MYT1L: variants seen among roughly 807,000 people sequenced by gnomAD.
The protein encoded by MYT1L is myelin transcription factor 1-like protein.
In MYT1L, 12 loss-of-function variants were observed where a neutral mutation model predicts 126.7. That is an observed-to-expected ratio of 0.09 (90% CI 0.06 to 0.15). The LOEUF is 0.15. Ranked by LOEUF, MYT1L falls within the 10% of genes least tolerant of loss-of-function variation. The pLI is 1.00. For missense variants in MYT1L, 979 were observed against 1,585.2 expected, an observed-to-expected ratio of 0.62 and a Z score of 6.49; for synonymous variants, 541 against 604.2, an observed-to-expected ratio of 0.90 and a Z score of 1.53.
rs1261758055 is a variant in MYT1L at position 2,172,997 on chromosome 2, T to C, written c.-420-9A>G. ...TCCTCTGAGTTCATTTTCTAAAGGA[T>C]AGAGCGACAACACAAAATACCTTAA... is the stretch of plus-strand genomic sequence containing the variant. On this transcript the variant is annotated splice_polypyrimidine_tract_variant and intron_variant, in intron 2 of 24. Transcript: ENST00000647738. 1.3e-5 allele frequency: 2 copies of C among 152,232 alleles called. No individual in the cohort carries two copies. Among genetic ancestry groups the C allele is most frequent in the Non-Finnish European group, 2.9e-5 (2 of 68,054 alleles). 9.4% of individuals were successfully genotyped at this position (152,232 alleles called of 1,614,324 possible).
chr2:1,851,829 T>G (rs960611879), intron 18 of MYT1L, 126 bp from the exon 19 acceptor site: 1 of 893,474 alleles, frequency 1.1e-6, no homozygotes, highest in African/African-American at 1.7e-5. Context: ...AGAGGCTGAG[T>G]GGAGCCGGAA....
At chr2:1,851,765 CT>C (rs994577742) in intron 18 of MYT1L, 62 bp from the exon 19 acceptor site, 87 of 1,507,458 alleles carry the variant, frequency 5.8e-5, no homozygotes, top group Non-Finnish European at 7.2e-5. Context: ...GAACAATTAA[CT>C]TTTTTTTAAT....
chr2:1,918,067 G>GT (rs2053099782), intron 10 of MYT1L, among the ~76,000 whole-genome samples: 1 of 152,052 alleles, frequency 6.6e-6, no homozygotes, highest in Non-Finnish European at 1.5e-5. Context: ...GTAGAATGCC[G>GT]TGCATGCATA....
At chr2:1,815,947 G>T (rs868065873) in intron 21 of MYT1L, among the ~76,000 whole-genome samples, 1 of 152,016 alleles carries the variant, frequency 6.6e-6, no homozygotes, top group Non-Finnish European at 1.5e-5. Context: ...GCATCAGCAC[G>T]CTTCATCACC....
At position 2,128,195 on chromosome 2, in the gene MYT1L, C is replaced by T. The variant is rs138461546; in HGVS notation, c.-304+44677G>A. 9.9e-5 allele frequency among the ~76,000 whole-genome samples: 15 copies of T among 152,274 alleles called. No homozygotes were observed. The South Asian group carries it at 2.7e-3, about 27-fold the overall frequency. On this transcript the variant is annotated intron_variant, in intron 3 of 24. Transcript: ENST00000647738. The stretch of plus-strand genomic sequence containing the variant: ...TCAGAGTCTCTCTTTGTTGCCCAGG[C>T]TGGAGTGCAGTAGTGTATTTGGCTC...
At chr2:2,219,124 AGAAG>A (rs1160511667) in intron 2 of MYT1L, among the ~76,000 whole-genome samples, 2 of 152,208 alleles carry the variant, frequency 1.3e-5, no homozygotes, top group African/African-American at 4.8e-5. Context: ...AGTGGCTGGT[AGAAG>A]GAGAGTTTGA....
intron 2 of MYT1L, among the ~76,000 whole-genome samples, chr2:2,257,569 C>T (rs1286288060): frequency 6.6e-6 from 1 of 152,164 alleles, no homozygotes; most frequent in Non-Finnish European, 1.5e-5. Flanking sequence ...GTAAATAGCA[C>T]TGTATCGTCT....
At chr2:2,209,055 C>A (rs1282132859) in intron 2 of MYT1L, among the ~76,000 whole-genome samples, 1 of 152,016 alleles carries the variant, frequency 6.6e-6, no homozygotes, top group Non-Finnish European at 1.5e-5. Flanking sequence ...ACTGAAATGA[C>A]TCATTCTGCC....
chr2:1,833,443 C>A (rs2040448009), intron 21 of MYT1L, among the ~76,000 whole-genome samples: 1 of 152,166 alleles, frequency 6.6e-6, no homozygotes, highest in Non-Finnish European at 1.5e-5. Context: ...ACTGAGGACA[C>A]CTTCCTGTCC....
At chr2:2,277,424 C>T (rs771576318) in intron 2 of MYT1L, among the ~76,000 whole-genome samples, 1 of 152,174 alleles carries the variant, frequency 6.6e-6, no homozygotes, top group Non-Finnish European at 1.5e-5. Flanking sequence ...CAGGGTCCCA[C>T]GGGTGGACAG....
At chr2:2,293,978 A>G (rs1044692102) in intron 1 of MYT1L, among the ~76,000 whole-genome samples, 6 of 152,204 alleles carry the variant, frequency 3.9e-5, no homozygotes, top group Non-Finnish European at 8.8e-5. Flanking sequence ...GGGGCAGGAC[A>G]GGGCCCCCCG....
chr2:2,098,270 G>A (rs929395088), intron 3 of MYT1L, among the ~76,000 whole-genome samples: 14 of 152,080 alleles, frequency 9.2e-5, no homozygotes, highest in African/African-American at 3.1e-4. Context: ...AGTCAACTTA[G>A]TTTTCAGGAG....
chr2:1,837,453 G>T, intron 21 of MYT1L, among the ~76,000 whole-genome samples: 1 of 152,198 alleles, frequency 6.6e-6, no homozygotes, highest in Non-Finnish European at 1.5e-5. Flanking sequence ...TGGGAAAGTA[G>T]ACACTTTTTT....
intron 8 of MYT1L, among the ~76,000 whole-genome samples, chr2:1,947,574 C>T (rs560747096): frequency 6.6e-6 from 1 of 152,322 alleles, no homozygotes; most frequent in African/African-American, 2.4e-5. Context: ...GTCCTCTGAA[C>T]TCCCCTGCAC....
chr2:1,869,984 A>G (rs2046071863), intron 18 of MYT1L, among the ~76,000 whole-genome samples: 2 of 152,172 alleles, frequency 1.3e-5, no homozygotes, highest in Non-Finnish European at 2.9e-5. Flanking sequence ...CATTGCATTG[A>G]AAAATTGACC....
intron 2 of MYT1L, among the ~76,000 whole-genome samples, chr2:2,221,123 C>A (rs1383062244): frequency 6.6e-6 from 1 of 152,090 alleles, no homozygotes; most frequent in East Asian, 1.9e-4. Flanking sequence ...TGCTTCTTTC[C>A]AATAATGATG....
At chr2:2,303,316 G>A (rs1458890722) in intron 1 of MYT1L, among the ~76,000 whole-genome samples, 4 of 152,248 alleles carry the variant, frequency 2.6e-5, no homozygotes, top group East Asian at 1.9e-4. Flanking sequence ...CTTGTCTTCC[G>A]CGGGGGCACC....
At chr2:2,184,929 T>C (rs115577340) in intron 2 of MYT1L, among the ~76,000 whole-genome samples, 1 of 152,192 alleles carries the variant, frequency 6.6e-6, no homozygotes, top group Non-Finnish European at 1.5e-5. Flanking sequence ...ACCCCATGAG[T>C]AGTTGCATTG....
intron 2 of MYT1L, among the ~76,000 whole-genome samples, chr2:2,229,522 G>T (rs1169259302): frequency 6.6e-6 from 1 of 151,876 alleles, no homozygotes; most frequent in Non-Finnish European, 1.5e-5. Flanking sequence ...GCTCACTGAA[G>T]CCTCAACCTC....
Sources: gnomAD v4.1 joint callset for allele counts (sites outside exome capture counted in the v4.1 genomes callset) on GRCh38, gnomAD v4.1.1 for gene constraint, MANE v1.5 for transcripts, NCBI Gene and HGNC (gene_info 2026-07-23, HGNC 2026-07-21) for gene names.